Variants in SLC1A1 observed in about 807,000 individuals in gnomAD.
The protein encoded by SLC1A1 is solute carrier family 1 member 1, also known as excitatory amino acid transporter 3.
Under a neutral mutation model 53.3 loss-of-function variants are expected in SLC1A1, and 43 were observed. The observed-to-expected ratio is 0.81, with a 90% CI of 0.63 to 1.04. The LOEUF (loss-of-function observed/expected upper bound fraction) is 1.04. SLC1A1 is among the 50% of genes least tolerant of loss of function. SLC1A1 has a pLI of 0.00. For synonymous variants in SLC1A1, 307 were observed against 243.2 expected, an observed-to-expected ratio of 1.26 and a Z score of -2.44; for missense variants, 748 against 664.9, an observed-to-expected ratio of 1.12 and a Z score of -1.37.
intron 1 of SLC1A1, among the ~76,000 whole-genome samples, chr9:4,524,800 G>A (rs1257202409): frequency 1.3e-5 from 2 of 152,094 alleles, no homozygotes; most frequent in African/African-American, 2.4e-5. Context: ...AACCCGAGGG[G>A]TATCCTGGCT....
intron 2 of SLC1A1, among the ~76,000 whole-genome samples, chr9:4,545,010 T>C (rs1214721251): frequency 1.3e-5 from 2 of 152,346 alleles, no homozygotes; most frequent in South Asian, 2.1e-4. Context: ...ACTGCCACTA[T>C]GATTCAATTA....
chr9:4,500,248 C>T (rs181777200), intron 1 of SLC1A1, among the ~76,000 whole-genome samples: 2 of 152,194 alleles, frequency 1.3e-5, no homozygotes, highest in Non-Finnish European at 2.9e-5. Context: ...TTGAGTGGCC[C>T]GTTTAAACTC....
rs72691995 is a variant in SLC1A1 at position 4,556,167 on chromosome 9, G to C, written c.233-5282G>C. ...TCACACCCAGCAAATTTGTGTGTGT[G>C]TGTGGTTTTGTTTTTGTTTTTTTGT... On this transcript the variant is annotated intron_variant, in intron 2 of 11. Coordinates refer to ENST00000262352, the MANE Select transcript of SLC1A1 (RefSeq NM_004170.6). This position sits in a 1 kb window ranked among gnomAD's most constrained non-coding sequence, Gnocchi z 4.1. Among the ~76,000 whole-genome samples the C allele has an allele frequency of 1.3e-5, 2 of 151,824 alleles. No homozygotes were observed. The highest frequency in any genetic ancestry group is 2.9e-5 in the Non-Finnish European group (2 of 67,964).
Position 4,551,587 on chromosome 9 carries a change from C to T in SLC1A1, c.232+6880C>T, listed in dbSNP as rs150305584. Among the ~76,000 whole-genome samples the T allele has an allele frequency of 1.6e-4, 25 of 152,296 alleles. No homozygotes were observed. The East Asian group carries it at 4.1e-3, about 25-fold the overall frequency. ...GAGCATTTAATGTCAATTTTAGCTA[C>T]GAGGGAGGAGTATGCATTCTTTTCT... On this transcript the variant is annotated intron_variant, in intron 2 of 11. Coordinates refer to ENST00000262352, the MANE Select transcript of SLC1A1 (RefSeq NM_004170.6).
intron 1 of SLC1A1, among the ~76,000 whole-genome samples, chr9:4,523,250 C>T (rs992002810): frequency 1.3e-5 from 2 of 152,168 alleles, no homozygotes; most frequent in Admixed American, 6.5e-5. Flanking sequence ...ATTCCCACCC[C>T]TGGACCTAAC....
chr9:4,573,883 G>A (rs575270957), intron 7 of SLC1A1, 24 bp from the exon 8 acceptor site: 30 of 1,470,300 alleles, frequency 2.0e-5, no homozygotes, highest in Admixed American at 1.8e-4. Context: ...ACGGAATCAC[G>A]CCTCTGTTGT....
chr9:4,574,389 G>A (rs1820354163), intron 8 of SLC1A1, among the ~76,000 whole-genome samples: 1 of 152,190 alleles, frequency 6.6e-6, no homozygotes, highest in Non-Finnish European at 1.5e-5. Flanking sequence ...CATGTACCCT[G>A]AACCTGAAAG....
chr9:4,530,817 T>C (rs1308019646), intron 1 of SLC1A1, among the ~76,000 whole-genome samples: 1 of 152,240 alleles, frequency 6.6e-6, no homozygotes, highest in Non-Finnish European at 1.5e-5. Context: ...TGTTATTGCC[T>C]CTTTTTGAAT....
At chr9:4,533,528 T>C (rs1379200172) in intron 1 of SLC1A1, among the ~76,000 whole-genome samples, 2 of 152,166 alleles carry the variant, frequency 1.3e-5, no homozygotes, top group African/African-American at 2.4e-5. Context: ...CCTAAATATA[T>C]ATGCACCCAA....
chr9:4,511,252 C>G (rs1043217232), intron 1 of SLC1A1, among the ~76,000 whole-genome samples: 1 of 152,100 alleles, frequency 6.6e-6, no homozygotes, highest in Admixed American at 6.5e-5. Context: ...CCAGGATGTC[C>G]AAGATCAAGG....
rs7022772 is a variant in SLC1A1, at chr9:4,566,210, A to C, written c.483+121A>C. ...CCCGTGAAAATGGCAGCAGGAAGTAAACCTGTGACTGGCCAAGTTTAAGGT... is the reference window on the plus strand; with the variant it reads ...CCCGTGAAAATGGCAGCAGGAAGTACACCTGTGACTGGCCAAGTTTAAGGT... On this transcript the variant is annotated intron_variant, in intron 5 of 11. Transcript: ENST00000262352. The C allele has an allele frequency of 0.74, 652,349 of 884,436 alleles. 242,590 individuals are homozygous for C. The highest frequency in any genetic ancestry group is 0.95 in the African/African-American group (57,678 of 60,914). 54.8% of individuals were successfully genotyped at this position (884,436 alleles called of 1,614,324 possible). A position where few individuals can be genotyped will look rare whatever the true frequency, so the allele number is the denominator to read the frequency against.
At chr9:4,576,892 C>T (rs780907696) in intron 10 of SLC1A1, 129 bp downstream of exon 10, 2 of 902,176 alleles carry the variant, frequency 2.2e-6, no homozygotes, top group Non-Finnish European at 3.6e-6. Context: ...AGTCCCTTCC[C>T]AAGATTAAAT....
Position 4,498,980 on chromosome 9 carries a change from CTTATATATTATATATAAGA to C in SLC1A1, c.91+8227_91+8245del, listed in dbSNP as rs1426641830. 1.7e-4 allele frequency among the ~76,000 whole-genome samples: 22 copies of C among 132,648 alleles called. No individual in the cohort carries two copies. The South Asian group carries it at 3.5e-3, about 21-fold the overall frequency. 87.0% of individuals were successfully genotyped at this position (132,648 alleles called of 152,430 possible). The stretch of plus-strand genomic sequence containing the variant: ...TATATATTATATATGTATATATAAT[CTTATATATTATATATAAGA>C]TTATATATTATATATATATAAGATT... On this transcript the variant is annotated intron_variant, in intron 1 of 11. Transcript: ENST00000262352.
intron 3 of SLC1A1, 101 bp from the exon 4 acceptor site, chr9:4,564,243 C>T (rs1374620765): frequency 1.2e-6 from 1 of 829,014 alleles, no homozygotes. Flanking sequence ...CCCCATCACA[C>T]TATTGCCTGG....
chr9:4,576,184 C>G (rs1820527053), intron 9 of SLC1A1, 61 bp downstream of exon 9: 1 of 1,545,606 alleles, frequency 6.5e-7, no homozygotes. Context: ...ACTCTCACCT[C>G]ACTTTACAAA....
At chr9:4,550,089 G>C (rs1207685708) in intron 2 of SLC1A1, among the ~76,000 whole-genome samples, 3 of 152,160 alleles carry the variant, frequency 2.0e-5, no homozygotes, top group African/African-American at 7.2e-5. Flanking sequence ...GCCACTGAGT[G>C]TGAGTCCTAG....
In SLC1A1 at chr9:4,585,580, G is replaced by A; in HGVS notation, c.*22G>A. 2 of 1,614,044 alleles carry A rather than the reference G, an allele frequency of 1.2e-6. No homozygotes were observed. The highest frequency in any genetic ancestry group is 1.7e-6 in the Non-Finnish European group (2 of 1,179,942). On this transcript the variant is annotated 3_prime_UTR_variant, in exon 12 of 12. Transcript: ENST00000262352. ...CTAGGGCCCCTGGCTGCAGATGACT[G>A]GAAACAAGGAAGGACATTTCCGTGA... is the stretch of plus-strand genomic sequence containing the variant.
At chr9:4,511,069 A>G (rs1365168189) in intron 1 of SLC1A1, among the ~76,000 whole-genome samples, 1 of 152,242 alleles carries the variant, frequency 6.6e-6, no homozygotes, top group Non-Finnish European at 1.5e-5. Flanking sequence ...TAGTTACAAA[A>G]GCCAGGAAGT....
chr9:4,509,951 G>A (rs185762707), intron 1 of SLC1A1, among the ~76,000 whole-genome samples: 22 of 151,968 alleles, frequency 1.4e-4, no homozygotes, highest in African/African-American at 4.1e-4. Flanking sequence ...CTCTTGCCTC[G>A]GCCTTCCAAG....
Sources: allele counts gnomAD v4.1 joint callset (sites outside exome capture counted in the v4.1 genomes callset), GRCh38; gene constraint gnomAD v4.1.1; non-coding constraint Gnocchi (gnomAD v3.1); transcripts MANE v1.5; gene names NCBI Gene and HGNC (gene_info 2026-07-23, HGNC 2026-07-21).